The following CNTN5 variants were observed in gnomAD, a reference collection of about 807,000 sequenced individuals.
CNTN5 encodes contactin 5.
CNTN5 carries 77 observed loss-of-function variants against 129.1 expected under a neutral mutation model. The ratio of observed to expected loss-of-function variants is 0.60; its 90% confidence interval spans 0.50 to 0.72. CNTN5 has a LOEUF of 0.72. Ranked by LOEUF, CNTN5 falls within the 30% of genes least tolerant of loss-of-function variation. The probability of loss-of-function intolerance (pLI) is 0.00; values close to 1 mark genes in which losing one functional copy is unlikely to be tolerated. For missense variants in CNTN5, 1,478 were observed against 1,328.8 expected (o/e 1.11, Z -1.75); for synonymous variants, 509 against 465.6 (o/e 1.09, Z -1.20).
chr11:99,690,777 C>G (rs1039355908), intron 3 of CNTN5, among the ~76,000 whole-genome samples: 1 of 151,960 alleles, frequency 6.6e-6, no homozygotes, highest in Non-Finnish European at 1.5e-5. Flanking sequence ...CCTCATAGAA[C>G]GAGTTAGGGA....
At chr11:99,540,900 G>A (rs1435237265) in intron 2 of CNTN5, among the ~76,000 whole-genome samples, 1 of 152,164 alleles carries the variant, frequency 6.6e-6, no homozygotes, top group Non-Finnish European at 1.5e-5. Context: ...GAAGTATCTT[G>A]ATAAACATCC....
intron 6 of CNTN5, among the ~76,000 whole-genome samples, chr11:99,857,059 TCTCCCTCCCTCC>T (rs954033357): frequency 2.8e-5 from 4 of 143,884 alleles, no homozygotes; most frequent in Non-Finnish European, 1.5e-5. Flanking sequence ...TCCCTCCCTC[TCTCCCTCCCTCC>T]CTCTCTTCCT....
chr11:100,173,592 T>A (rs998542189), intron 13 of CNTN5, among the ~76,000 whole-genome samples: 1 of 152,110 alleles, frequency 6.6e-6, no homozygotes, highest in Non-Finnish European at 1.5e-5. Flanking sequence ...TAGGCCAGCA[T>A]GAACTTTCTA....
intron 1 of CNTN5, among the ~76,000 whole-genome samples, chr11:99,269,046 A>G (rs1452349924): frequency 6.6e-6 from 1 of 151,970 alleles, no homozygotes; most frequent in Non-Finnish European, 1.5e-5. Context: ...AGAGACAAGC[A>G]AGGATAGATT....
At chr11:99,279,852 T>C (rs562564452) in intron 1 of CNTN5, among the ~76,000 whole-genome samples, 1 of 151,702 alleles carries the variant, frequency 6.6e-6, no homozygotes, top group Non-Finnish European at 1.5e-5. Context: ...TATCAGTAAT[T>C]ACAGGTGGCT....
intron 4 of CNTN5, among the ~76,000 whole-genome samples, chr11:99,831,164 T>G (rs1204625192): frequency 6.6e-6 from 1 of 152,176 alleles, no homozygotes; most frequent in African/African-American, 2.4e-5. Flanking sequence ...ACATCTTTAT[T>G]AATCAAAATA....
intron 2 of CNTN5, among the ~76,000 whole-genome samples, chr11:99,404,188 TG>T (rs1409585135): frequency 6.6e-6 from 1 of 152,100 alleles, no homozygotes; most frequent in Admixed American, 6.6e-5. Context: ...TGCTTTTTTT[TG>T]GTTTCTATTG....
chr11:99,756,056 A>G (rs2135250146), intron 3 of CNTN5, among the ~76,000 whole-genome samples: 1 of 152,192 alleles, frequency 6.6e-6, no homozygotes, highest in Admixed American at 6.5e-5. Context: ...GACTAACAAG[A>G]GTCTGGGCTA....
chr11:99,963,078 A>G lies in CNTN5; in HGVS notation c.877+6069A>G, dbSNP rs540164645. On this transcript the variant is annotated intron_variant, in intron 8 of 24. Transcript: ENST00000524871. ...TATTAGCCCTTTGTCAGATGAGTAG[A>G]TTGCAAAAATTTTCTCCCATTCTGT... Among the ~76,000 whole-genome samples the G allele has an allele frequency of 9.3e-4, 141 of 152,266 alleles. 1 individual carries two copies. The highest frequency in any genetic ancestry group is 2.9e-3 in the African/African-American group (121 of 41,554).
At position 99,734,072 on chromosome 11, in the gene CNTN5, C is replaced by T. The variant is rs1191070580; in HGVS notation, c.56-85472C>T. The stretch of plus-strand genomic sequence containing the variant: ...GAGTCTTCCAAAGAAGTATACATGG[C>T]CACTATCTTCAGCTGCCTTTTAGGA... On this transcript the variant is annotated intron_variant, in intron 3 of 24. Transcript: ENST00000524871. Among the ~76,000 whole-genome samples the T allele has an allele frequency of 1.2e-4, 19 of 152,136 alleles. 1 individual carries two copies. Among genetic ancestry groups the T allele is most frequent in the Admixed American group, 1.2e-3 (19 of 15,280 alleles).
intron 1 of CNTN5, among the ~76,000 whole-genome samples, chr11:99,282,982 T>A (rs1388800121): frequency 6.6e-6 from 1 of 152,006 alleles, no homozygotes; most frequent in Non-Finnish European, 1.5e-5. Flanking sequence ...AAATAAAGCC[T>A]CCTACAATTC....
At chr11:99,822,816 C>T (rs992275088) in intron 4 of CNTN5, among the ~76,000 whole-genome samples, 2 of 152,188 alleles carry the variant, frequency 1.3e-5, no homozygotes, top group Non-Finnish European at 2.9e-5. Flanking sequence ...TATTAACTTG[C>T]CTCTGGAGAA....
chr11:100,013,627 A>T (rs1217583281), intron 9 of CNTN5, among the ~76,000 whole-genome samples: 1 of 152,126 alleles, frequency 6.6e-6, no homozygotes, highest in East Asian at 1.9e-4. Flanking sequence ...TATGTATCCC[A>T]TTTGACCTGT....
chr11:99,876,411 G>C (rs1948634043), intron 6 of CNTN5, among the ~76,000 whole-genome samples: 1 of 152,122 alleles, frequency 6.6e-6, no homozygotes, highest in Non-Finnish European at 1.5e-5. Context: ...GGTTAACTGT[G>C]TTCCCTTCCT....
intron 2 of CNTN5, among the ~76,000 whole-genome samples, chr11:99,378,470 T>A (rs912156012): frequency 6.6e-6 from 1 of 152,078 alleles, no homozygotes; most frequent in Non-Finnish European, 1.5e-5. Context: ...TCTTGGCCAA[T>A]CTCTTATACA....
intron 3 of CNTN5, among the ~76,000 whole-genome samples, chr11:99,769,975 C>T (rs1171002115): frequency 1.3e-5 from 2 of 152,104 alleles, no homozygotes; most frequent in South Asian, 2.1e-4. Flanking sequence ...ATTTGTTTTA[C>T]ATTTTTTTGT....
chr11:100,288,336 G>A (rs963457468), intron 18 of CNTN5, among the ~76,000 whole-genome samples: 3 of 151,654 alleles, frequency 2.0e-5, no homozygotes, highest in African/African-American at 7.3e-5. Flanking sequence ...ACACCTATTC[G>A]AAAATTGACC....
chr11:99,601,308 G>T (rs1189001750), intron 3 of CNTN5, among the ~76,000 whole-genome samples: 1 of 152,004 alleles, frequency 6.6e-6, no homozygotes, highest in African/African-American at 2.4e-5. Context: ...TCCCTTCTAA[G>T]TCCACTTAGT....
At chr11:99,261,766 A>G (rs573326487) in intron 1 of CNTN5, among the ~76,000 whole-genome samples, 15 of 152,134 alleles carry the variant, frequency 9.9e-5, no homozygotes, top group Non-Finnish European at 1.8e-4. Context: ...TCATTCTCTT[A>G]TACATCTAGA....
Sources: allele counts gnomAD v4.1 joint callset (sites outside exome capture counted in the v4.1 genomes callset), GRCh38; gene constraint gnomAD v4.1.1; transcripts MANE v1.5; gene names NCBI Gene and HGNC (gene_info 2026-07-23, HGNC 2026-07-21).